FOLH1: variants seen among roughly 807,000 people sequenced by gnomAD.
FOLH1 encodes the protein folate hydrolase 1, also known as glutamate carboxypeptidase 2.
Under a neutral mutation model 93.9 loss-of-function variants are expected in FOLH1, and 54 were observed. That is an observed-to-expected ratio of 0.57 (90% CI 0.46 to 0.72). The LOEUF (loss-of-function observed/expected upper bound fraction) is 0.72. Among genes scored for constraint, FOLH1 ranks in the 30% least tolerant of loss-of-function variants. The pLI is 0.00. For missense variants in FOLH1, 571 were observed against 892.5 expected (o/e 0.64, Z 4.59); for synonymous variants, 249 against 303.6 (o/e 0.82, Z 1.87).
chr11:49,151,351 A>G (rs968263210), intron 17 of FOLH1, among the ~76,000 whole-genome samples: 2 of 150,028 alleles, frequency 1.3e-5, no homozygotes, highest in Non-Finnish European at 3.0e-5. Flanking sequence ...AAATTCACAA[A>G]GAATTGCTAC....
chr11:49,153,605 C>T (rs973572129), intron 17 of FOLH1, among the ~76,000 whole-genome samples: 5 of 152,044 alleles, frequency 3.3e-5, no homozygotes, highest in Non-Finnish European at 5.9e-5. Flanking sequence ...GATGGGGCAG[C>T]CCTACATAGG....
At chr11:49,174,771 G>A (rs1010915861) in intron 9 of FOLH1, 121 bp downstream of exon 9, 20 of 916,816 alleles carry the variant, frequency 2.2e-5, no homozygotes, top group African/African-American at 1.0e-4. Context: ...GAGTTCCACC[G>A]ATTTTCTTCG....
Position 49,148,778 on chromosome 11 carries a change from C to T in FOLH1, c.1971-47G>A, listed in dbSNP as rs868177840. 3 of 1,476,820 alleles carry T rather than the reference C, an allele frequency of 2.0e-6. No homozygotes were observed. The Middle Eastern group carries it at 5.4e-4, about 264-fold the overall frequency. 91.5% of individuals were successfully genotyped at this position (1,476,820 alleles called of 1,614,324 possible). A position where few individuals can be genotyped will look rare whatever the true frequency, so the allele number is the denominator to read the frequency against. On this transcript the variant is annotated intron_variant, in intron 17 of 18. Transcript: ENST00000256999. ...ATTATAACTTCATGAAAATATGTTT[C>T]TACTCAGAAAATAAAAATTTCAGAA...
intron 12 of FOLH1, among the ~76,000 whole-genome samples, chr11:49,165,544 G>A (rs994640565): frequency 2.6e-5 from 4 of 152,192 alleles, no homozygotes; most frequent in Non-Finnish European, 5.9e-5. Flanking sequence ...GGAGTTTTGG[G>A]GGAGGGAAGT....
At chr11:49,183,820 G>A (rs973316912) in intron 6 of FOLH1, among the ~76,000 whole-genome samples, 10 of 151,692 alleles carry the variant, frequency 6.6e-5, no homozygotes, top group Non-Finnish European at 1.5e-4. Context: ...ACGAATACAC[G>A]ATGCTAGATA....
At chr11:49,171,810 G>T (rs1859342425) in intron 10 of FOLH1, among the ~76,000 whole-genome samples, 1 of 151,932 alleles carries the variant, frequency 6.6e-6, no homozygotes, top group African/African-American at 2.4e-5. Flanking sequence ...TTCAGCAGAG[G>T]GGTGATGTGT....
chr11:49,181,171 G>A (rs1472380311), intron 7 of FOLH1, among the ~76,000 whole-genome samples: 11 of 149,560 alleles, frequency 7.4e-5, no homozygotes, highest in African/African-American at 2.2e-4. Context: ...GCAGTGGCGC[G>A]ATCTCGGCTC....
At chr11:49,207,987 A>C (rs1036247478) in intron 1 of FOLH1, 69 of 571,238 alleles carry the variant, frequency 1.2e-4, no homozygotes, top group Non-Finnish European at 1.6e-5. Flanking sequence ...GCAAAAAAAA[A>C]ACTTCCTCTG....
At chr11:49,172,050 G>C (rs1269303861) in intron 10 of FOLH1, among the ~76,000 whole-genome samples, 1 of 152,078 alleles carries the variant, frequency 6.6e-6, no homozygotes, top group Non-Finnish European at 1.5e-5. Context: ...AAAATTGCGA[G>C]TAGTCATCAT....
intron 13 of FOLH1, among the ~76,000 whole-genome samples, chr11:49,162,623 G>A (rs927443892): frequency 5.3e-5 from 8 of 152,088 alleles, no homozygotes; most frequent in Admixed American, 2.0e-4. Flanking sequence ...ACCCGGTTCC[G>A]AAACCTTGCT....
At chr11:49,179,994 G>A (rs556686390) in intron 7 of FOLH1, among the ~76,000 whole-genome samples, 2 of 152,140 alleles carry the variant, frequency 1.3e-5, no homozygotes, top group African/African-American at 2.4e-5. Context: ...GCCATTAAAG[G>A]TCTCCCGAGC....
chr11:49,200,229 C>A (rs546200035), intron 3 of FOLH1, 26 bp downstream of exon 3: 1 of 1,459,122 alleles, frequency 6.9e-7, no homozygotes, highest in Admixed American at 2.5e-5. Flanking sequence ...GGGAATGTTT[C>A]TTTTATTTAT....
intron 3 of FOLH1, among the ~76,000 whole-genome samples, chr11:49,196,845 T>C (rs2135285953): frequency 6.6e-6 from 1 of 152,320 alleles, no homozygotes; most frequent in East Asian, 1.9e-4. Flanking sequence ...ATATCTGCTA[T>C]CAAAACTTCT....
intron 15 of FOLH1, chr11:49,155,476 G>C (rs1231319990): frequency 1.8e-5 from 3 of 165,006 alleles, no homozygotes; most frequent in African/African-American, 4.8e-5. Context: ...AGTTGAGCTC[G>C]ATCTCTTATT....
At chr11:49,149,644 T>C (rs1055889867) in intron 17 of FOLH1, among the ~76,000 whole-genome samples, 1 of 152,164 alleles carries the variant, frequency 6.6e-6, no homozygotes, top group Non-Finnish European at 1.5e-5. Flanking sequence ...GTTTCTCAGA[T>C]TCAAGCTTGT....
chr11:49,163,036 T>A (rs183001781), intron 13 of FOLH1: 1 of 152,278 alleles, frequency 6.6e-6, no homozygotes, highest in Non-Finnish European at 1.5e-5. Context: ...TAGGAGGTCT[T>A]ACCCAGACAG....
chr11:49,175,530 G>A (rs574189063), intron 8 of FOLH1, among the ~76,000 whole-genome samples: 1 of 152,250 alleles, frequency 6.6e-6, no homozygotes, highest in East Asian at 1.9e-4. Flanking sequence ...CTTACACTCT[G>A]CTCTTGTGGG....
Position 49,208,347 on chromosome 11 carries a change from C to T in FOLH1, c.63G>A (p.Leu21=). Residue 21 remains leucine (L), a synonymous_variant, in exon 1 of 19, where the codon CTG becomes CTA. Transcript: ENST00000256999. ...AVATARRPRW[L]CAGALVLAGG... is the part of the protein sequence containing the mutation. ...CCGCCAGCACCAGCGCCCCAGCGCA[C>T]AGCCAGCGCGGGCGGCGCGCGGTGG... is the stretch of plus-strand genomic sequence containing the variant. The T allele has an allele frequency of 6.2e-7, 1 of 1,600,924 alleles. No homozygotes were observed. Among genetic ancestry groups the T allele is most frequent in the Non-Finnish European group, 8.5e-7 (1 of 1,172,676 alleles).
At chr11:49,191,115 C>T (rs1478474905) in intron 4 of FOLH1, among the ~76,000 whole-genome samples, 1 of 152,100 alleles carries the variant, frequency 6.6e-6, no homozygotes, top group Non-Finnish European at 1.5e-5. Context: ...GCGTTCACGC[C>T]ATTCTCCTGC....
Sources: allele counts gnomAD v4.1 joint callset (sites outside exome capture counted in the v4.1 genomes callset), GRCh38; gene constraint gnomAD v4.1.1; transcripts MANE v1.5; gene names NCBI Gene and HGNC (gene_info 2026-07-23, HGNC 2026-07-21).